The following GRIP2 variants were observed in gnomAD, a reference collection of about 807,000 sequenced individuals.
GRIP2 encodes the protein glutamate receptor interacting protein 2.
GRIP2 carries 58 observed loss-of-function variants against 108.3 expected under a neutral mutation model. The observed-to-expected ratio is 0.54, with a 90% CI of 0.43 to 0.67. The LOEUF (loss-of-function observed/expected upper bound fraction) is 0.67. Among genes scored for constraint, GRIP2 ranks in the 30% least tolerant of loss-of-function variants. The probability of loss-of-function intolerance (pLI) is 0.00; values close to 1 mark genes in which losing one functional copy is unlikely to be tolerated. For synonymous variants in GRIP2, 586 were observed against 598.2 expected (o/e 0.98, Z 0.30); for missense variants, 1,278 against 1,430.6 (o/e 0.89, Z 1.72).
the GRIP2 span, chr3:14,574,396 G>A: frequency 1.6e-5 from 13 of 804,522 alleles, no homozygotes; most frequent in Non-Finnish European, 2.3e-5. Flanking sequence ...ATCTCCTGTC[G>A]GAGCCGCACC....
At chr3:14,504,891 G>A (rs905517990) in intron 20 of GRIP2, among the ~76,000 whole-genome samples, 7 of 151,772 alleles carry the variant, frequency 4.6e-5, no homozygotes, top group African/African-American at 1.5e-4. Context: ...TGGAGCTGGG[G>A]TGCCACGCAG....
At chr3:14,588,854 T>C in the GRIP2 span, among the ~76,000 whole-genome samples, 9 of 152,192 alleles carry the variant, frequency 5.9e-5, no homozygotes, top group African/African-American at 2.2e-4. Context: ...AGCAAGCTTC[T>C]AGCTGGCTCC....
the GRIP2 span, among the ~76,000 whole-genome samples, chr3:14,583,607 T>C: frequency 6.6e-6 from 1 of 152,214 alleles, no homozygotes; most frequent in Non-Finnish European, 1.5e-5. Context: ...TTCTGAGCAC[T>C]GCTGGATGTG....
the GRIP2 span, among the ~76,000 whole-genome samples, chr3:14,578,923 G>C: frequency 6.6e-6 from 1 of 150,980 alleles, no homozygotes; most frequent in Admixed American, 6.6e-5. Flanking sequence ...CTTATAAAGA[G>C]CTAAACACAC....
chr3:14,524,818 T>A (rs75586505), intron 3 of GRIP2, among the ~76,000 whole-genome samples: 1 of 152,142 alleles, frequency 6.6e-6, no homozygotes, highest in African/African-American at 2.4e-5. Context: ...GACCAGATCA[T>A]CACATCCTTT....
intron 20 of GRIP2, among the ~76,000 whole-genome samples, chr3:14,504,650 T>A (rs1012743156): frequency 2.6e-5 from 4 of 152,154 alleles, no homozygotes; most frequent in African/African-American, 7.2e-5. Flanking sequence ...CTTTGCTATC[T>A]TAGGGAGCTT....
At chr3:14,525,406 C>A (rs762391021) in intron 3 of GRIP2, 31 bp downstream of exon 3, 14 of 1,606,956 alleles carry the variant, frequency 8.7e-6, no homozygotes, top group African/African-American at 1.3e-5. Context: ...CTGCACCCCC[C>A]TCCTGCGGCC....
chr3:14,494,708 A>T, intron 23 of GRIP2, 135 bp downstream of exon 23: 2 of 1,074,262 alleles, frequency 1.9e-6, no homozygotes, highest in Non-Finnish European at 1.3e-6. Context: ...TGGGGCCCGC[A>T]ATGCAACTTT....
rs753650139 is a variant in GRIP2, at chr3:14,505,703, C to T, written c.2485G>A (p.Glu829Lys). Reference protein sequence around the residue: ...GWLRGSPPPTEPRRTSYTPTP... With the variant: ...GWLRGSPPPTKPRRTSYTPTP... ...GGGGTATAGCTCGTCCTCCGGGGCT[C>T]GGTGGGTGGGGGGCTGCCCCTCAGC... Residue 829 changes from glutamate to lysine, a missense_variant, in exon 20 of 24, where the codon GAG becomes AAG. Glu to Lys is a moderately conservative substitution (Grantham distance 56). Coordinates refer to ENST00000621039, the MANE Select transcript of GRIP2 (RefSeq NM_001080423.4). This position sits in a 1 kb window ranked among gnomAD's most constrained non-coding sequence, Gnocchi z 4.2. 15 of 1,595,564 alleles carry T rather than the reference C, an allele frequency of 9.4e-6. No individual in the cohort carries two copies. The highest frequency in any genetic ancestry group is 2.7e-5 in the African/African-American group (2 of 74,510).
chr3:14,520,661 A>AGTT, intron 7 of GRIP2, 124 bp from the exon 8 acceptor site: 1 of 893,672 alleles, frequency 1.1e-6, no homozygotes, highest in Non-Finnish European at 1.7e-6. Flanking sequence ...TTTGATTAAC[A>AGTT]TAATTTTTTA....
chr3:14,511,106 G>A lies in GRIP2; in HGVS notation c.1933+59C>T. On this transcript the variant is annotated intron_variant, in intron 16 of 23. Coordinates refer to ENST00000621039, the MANE Select transcript of GRIP2 (RefSeq NM_001080423.4). This position sits in a 1 kb window ranked among gnomAD's most constrained non-coding sequence, Gnocchi z 4.1. The stretch of plus-strand genomic sequence containing the variant: ...GGAGGGAGCCCTGAATTGCAAGCTG[G>A]GAACCCGCTAGTCAAAGGGTGGGCC... 2 of 1,588,528 alleles carry A rather than the reference G, an allele frequency of 1.3e-6. No individual in the cohort carries two copies. The highest frequency in any genetic ancestry group is 1.3e-5 in the African/African-American group (1 of 74,488).
chr3:14,525,402 C>A (rs774199365), intron 3 of GRIP2, 35 bp downstream of exon 3: 3 of 1,605,520 alleles, frequency 1.9e-6, no homozygotes, highest in Non-Finnish European at 1.7e-6. Context: ...GCCTCTGCAC[C>A]CCCCTCCTGC....
upstream of GRIP2, among the ~76,000 whole-genome samples, chr3:14,559,439 CAAAAA>C (rs56183499): frequency 4.1e-4 from 50 of 121,758 alleles, no homozygotes; most frequent in Middle Eastern, 3.9e-3. Context: ...AAGAATTTAT[CAAAAA>C]AAAAAAAAAA....
At chr3:14,596,391 G>T in the GRIP2 span, among the ~76,000 whole-genome samples, 27,894 of 152,068 alleles carry the variant, frequency 0.18, 5,416 homozygotes, top group African/African-American at 0.49. Context: ...AGAGACAGTA[G>T]GTTAAACTCT....
chr3:14,552,920 G>A (rs572844380), intron 1 of GRIP2, among the ~76,000 whole-genome samples: 57 of 151,888 alleles, frequency 3.8e-4, no homozygotes, highest in African/African-American at 1.3e-3. Flanking sequence ...AATACTCGAA[G>A]CAGTCCTCCA....
At chr3:14,526,842 G>A (rs556397561) in intron 1 of GRIP2, among the ~76,000 whole-genome samples, 1 of 152,192 alleles carries the variant, frequency 6.6e-6, no homozygotes, top group East Asian at 1.9e-4. Context: ...ATGATGCAGA[G>A]ATTCTCAAAA....
intron 22 of GRIP2, 90 bp downstream of exon 22, chr3:14,496,327 A>G: frequency 8.7e-7 from 1 of 1,151,000 alleles, no homozygotes; most frequent in Non-Finnish European, 1.2e-6. Flanking sequence ...TAAAGCCCTG[A>G]GAGGGGCAGG....
chr3:14,504,237 C>G (rs9880291), intron 20 of GRIP2, among the ~76,000 whole-genome samples: 8 of 152,116 alleles, frequency 5.3e-5, no homozygotes, highest in African/African-American at 1.9e-4. Context: ...TTTGACACTT[C>G]GCAAAGCCAC....
the GRIP2 span, chr3:14,574,836 A>C: frequency 6.0e-6 from 2 of 332,324 alleles, no homozygotes; most frequent in African/African-American, 4.3e-5. Flanking sequence ...AATGTGCAAC[A>C]TACAACAAAA....
Sources: gnomAD v4.1 joint callset for allele counts (sites outside exome capture counted in the v4.1 genomes callset) on GRCh38, gnomAD v4.1.1 for gene constraint, Gnocchi (gnomAD v3.1) non-coding constraint, MANE v1.5 for transcripts, NCBI Gene and HGNC (gene_info 2026-07-23, HGNC 2026-07-21) for gene names.